Variants in EXT1 observed in about 807,000 individuals in gnomAD.
EXT1 encodes exostosin-1.
A neutral mutation model predicts 82.5 loss-of-function variants in EXT1; 20 were observed. The observed-to-expected ratio is 0.24, with a 90% confidence interval of 0.17 to 0.35. The LOEUF is 0.35. Among genes scored for constraint, EXT1 ranks in the 10% least tolerant of loss-of-function variants. EXT1 has a pLI of 1.00. For synonymous variants in EXT1, 348 were observed against 350.8 expected (o/e 0.99, Z 0.09); for missense variants, 757 against 936.5 (o/e 0.81, Z 2.50).
rs141180227 is a variant in EXT1, at chr8:117,920,349, C to T, written c.963-83148G>A. Reference sequence around the variant, plus strand: ...GAACTCCTGAACTCAGGTGATCCACCCGCCTCGGCCTCCAAGTGCTGGGAT... The same window carrying T: ...GAACTCCTGAACTCAGGTGATCCACTCGCCTCGGCCTCCAAGTGCTGGGAT... On this transcript the variant is annotated intron_variant, in intron 1 of 10. Transcript: ENST00000378204. Among the ~76,000 whole-genome samples the T allele has an allele frequency of 1.9e-3, 296 of 152,236 alleles. 2 individuals carry two copies. The highest frequency in any genetic ancestry group is 6.8e-3 in the African/African-American group (282 of 41,546).
intron 1 of EXT1, among the ~76,000 whole-genome samples, chr8:117,979,735 T>G (rs1815146090): frequency 6.6e-6 from 1 of 152,168 alleles, no homozygotes; most frequent in Non-Finnish European, 1.5e-5. Flanking sequence ...TACCCTTGAA[T>G]GGGTAGAATG....
intron 5 of EXT1, among the ~76,000 whole-genome samples, chr8:117,820,507 G>C (rs191678415): frequency 6.6e-6 from 1 of 152,122 alleles, no homozygotes; most frequent in Non-Finnish European, 1.5e-5. Flanking sequence ...TGGCCAACAT[G>C]GTGAAATTCC....
Position 117,799,810 on chromosome 8 carries a change from T to C in EXT1, c.2143A>G (p.Met715Val), listed in dbSNP as rs1225915837. ...MNTFASWFGY[M>V]PLIHSQMRLD... is the part of the protein sequence containing the mutation. The stretch of plus-strand genomic sequence containing the variant: ...CTCATCTGAGAGTGGATCAGCGGCA[T>C]GTAGCCAAACCAGCTGGCAAACGTA... Residue 715 changes from methionine to valine, a missense_variant, in exon 11 of 11, where the codon ATG becomes GTG. This residue lies in a region of EXT1 where 128 missense variants were observed against 223.2 expected (regional missense o/e 0.57). Coordinates refer to ENST00000378204, the MANE Select transcript of EXT1 (RefSeq NM_000127.3). 6.2e-7 allele frequency: 1 copy of C among 1,614,176 alleles called. No homozygotes were observed. Among genetic ancestry groups the C allele is most frequent in the South Asian group, 1.1e-5 (1 of 91,074 alleles).
At chr8:118,065,633 CAGGAAAA>C (rs1446827362) in intron 1 of EXT1, among the ~76,000 whole-genome samples, 1 of 152,108 alleles carries the variant, frequency 6.6e-6, no homozygotes, top group African/African-American at 2.4e-5. Flanking sequence ...GTTGGGCATT[CAGGAAAA>C]AAATTCTCTG....
chr8:118,068,487 C>G (rs917813032), intron 1 of EXT1, among the ~76,000 whole-genome samples: 1 of 152,150 alleles, frequency 6.6e-6, no homozygotes. Context: ...ACCCCGCTCT[C>G]CCCCGACAGG....
intron 1 of EXT1, among the ~76,000 whole-genome samples, chr8:117,882,074 T>C (rs1439473116): frequency 2.0e-5 from 3 of 152,128 alleles, no homozygotes; most frequent in Non-Finnish European, 4.4e-5. Context: ...TAGAATTTTA[T>C]TGTTGTTTAA....
intron 1 of EXT1, among the ~76,000 whole-genome samples, chr8:117,905,536 G>A (rs1381081930): frequency 6.6e-6 from 1 of 152,096 alleles, no homozygotes; most frequent in Admixed American, 6.5e-5. Flanking sequence ...AAACAGGCCA[G>A]GCGTGGTGGC....
chr8:118,009,638 T>C (rs1586340791), intron 1 of EXT1, among the ~76,000 whole-genome samples: 1 of 152,336 alleles, frequency 6.6e-6, no homozygotes, highest in African/African-American at 2.4e-5. Flanking sequence ...AAGCGAGGAT[T>C]ACCACCTGAG....
chr8:117,973,807 AAAGG>A (rs1387214410), intron 1 of EXT1, among the ~76,000 whole-genome samples: 2 of 36,084 alleles, frequency 5.5e-5, no homozygotes, highest in African/African-American at 3.4e-4. Flanking sequence ...AAGAGAAAGG[AAAGG>A]AAAGGAAAGG....
At position 117,807,370 on chromosome 8, in the gene EXT1, A is replaced by T; in HGVS notation, c.1730T>A (p.Phe577Tyr). 6.2e-7 allele frequency: 1 copy of T among 1,614,198 alleles called. No homozygotes were observed. Among genetic ancestry groups the T allele is most frequent in the South Asian group, 1.1e-5 (1 of 91,080 alleles). ...DTVLSTTEVD[F>Y]AFTVWQSFPE... Reference sequence around the variant, plus strand: ...GAAGCTCTGCCACACTGTGAAGGCGAAATCCACCTGCAGGCAGAACACAAG... The same window carrying T: ...GAAGCTCTGCCACACTGTGAAGGCGTAATCCACCTGCAGGCAGAACACAAG... Residue 577 changes from phenylalanine (F) to tyrosine (Y), a missense_variant, in exon 9 of 11, where the codon TTC becomes TAC. This residue lies in a region of EXT1 where 128 missense variants were observed against 223.2 expected (regional missense o/e 0.57). Coordinates refer to ENST00000378204, the MANE Select transcript of EXT1 (RefSeq NM_000127.3).
At chr8:117,836,976 G>A (rs1263202161) in intron 2 of EXT1, 132 bp downstream of exon 2, 1 of 699,714 alleles carries the variant, frequency 1.4e-6, no homozygotes, top group African/African-American at 1.8e-5. Context: ...AGATTTTCTT[G>A]AAAATATTTT....
At position 118,110,859 on chromosome 8, in the gene EXT1, C is replaced by G. The variant is rs187891947; in HGVS notation, c.188G>C (p.Arg63Pro). 1 of 1,613,062 alleles carries G rather than the reference C, an allele frequency of 6.2e-7. No individual in the cohort carries two copies. Among genetic ancestry groups the G allele is most frequent in the Admixed American group, 1.7e-5 (1 of 59,992 alleles). Residue 63 changes from arginine (R) to proline (P), a missense_variant, in exon 1 of 11, where the codon CGC (arginine) becomes CCC (proline). By Grantham distance (103) the Arg-to-Pro change is moderately radical. Coordinates refer to ENST00000378204, the MANE Select transcript of EXT1 (RefSeq NM_000127.3). ...HFWPRFPDAL[R>P]PFVPWDQLEN... Reference sequence around the variant, plus strand: ...CAATTGATCCCAAGGAACGAAGGGGCGCAGAGCGTCCGGGAAGCGGGGCCA... The same window carrying G: ...CAATTGATCCCAAGGAACGAAGGGGGGCAGAGCGTCCGGGAAGCGGGGCCA...
chr8:117,797,575 G>T lies in EXT1; in HGVS notation c.*2137C>A, dbSNP rs1823104308. The T allele has an allele frequency of 6.6e-6, 1 of 152,050 alleles. No homozygotes were observed. The highest frequency in any genetic ancestry group is 2.4e-5 in the African/African-American group (1 of 41,384). 9.4% of individuals were successfully genotyped at this position (152,050 alleles called of 1,614,324 possible). ...ATCGCATTTATTTTTTGGTAAAGGA[G>T]AAACAAGAATAATTTGCCAATCCTG... On this transcript the variant is annotated 3_prime_UTR_variant, in exon 11 of 11. Coordinates refer to ENST00000378204, the MANE Select transcript of EXT1 (RefSeq NM_000127.3).
chr8:117,940,340 A>G (rs1814247622), intron 1 of EXT1, among the ~76,000 whole-genome samples: 2 of 152,156 alleles, frequency 1.3e-5, no homozygotes, highest in East Asian at 3.9e-4. Flanking sequence ...CTGTGGTATA[A>G]TCTCAATGGC....
Position 117,804,887 on chromosome 8 carries a change from A to G in EXT1, c.1890T>C (p.Tyr630=), listed in dbSNP as rs750732471. The part of the protein sequence containing the change: ...LTGAAIYHKY[Y]HYLYSHYLPA... ...GCAGGTAATGGGAGTATAGGTAGTGATAATATCTGTAAAAATCAAAGATGG... is the reference window on the plus strand; with the variant it reads ...GCAGGTAATGGGAGTATAGGTAGTGGTAATATCTGTAAAAATCAAAGATGG... The change falls in exon 10 of 11, where the codon TAT becomes TAC. Residue 630 remains tyrosine, a synonymous_variant. Transcript: ENST00000378204. 5.0e-6 allele frequency: 8 copies of G among 1,613,912 alleles called. No homozygotes were observed. In the African/African-American group the frequency reaches 8.0e-5, roughly 16 times the overall value.
intron 1 of EXT1, among the ~76,000 whole-genome samples, chr8:118,010,480 C>T (rs1488556184): frequency 1.3e-5 from 2 of 151,866 alleles, no homozygotes; most frequent in African/African-American, 4.8e-5. Flanking sequence ...AAAAAGAGCA[C>T]TTTGACCACT....
intron 1 of EXT1, among the ~76,000 whole-genome samples, chr8:117,947,320 TCTTTC>T (rs1814409290): frequency 6.6e-6 from 1 of 152,232 alleles, no homozygotes; most frequent in South Asian, 2.1e-4. Context: ...CTTTTTTCTT[TCTTTC>T]CTTTAATTTC....
At chr8:117,833,803 T>A (rs1449223350) in intron 3 of EXT1, among the ~76,000 whole-genome samples, 1 of 152,182 alleles carries the variant, frequency 6.6e-6, no homozygotes. Context: ...GTATTATTTT[T>A]AAAATAACAT....
At chr8:117,935,402 C>A (rs1169805531) in intron 1 of EXT1, among the ~76,000 whole-genome samples, 3 of 151,376 alleles carry the variant, frequency 2.0e-5, no homozygotes, top group Non-Finnish European at 2.9e-5. Flanking sequence ...TTCACTGCAG[C>A]CTCGACCTCC....
Sources: allele counts gnomAD v4.1 joint callset (sites outside exome capture counted in the v4.1 genomes callset), GRCh38; gene constraint gnomAD v4.1.1; regional missense constraint gnomAD v4.1.1; transcripts MANE v1.5; gene names NCBI Gene and HGNC (gene_info 2026-07-23, HGNC 2026-07-21).